Variants in KIF26B observed in about 807,000 individuals in gnomAD.
KIF26B encodes kinesin family member 26B.
A neutral mutation model predicts 151.2 loss-of-function variants in KIF26B; 63 were observed. That is an observed-to-expected ratio of 0.42 (90% CI 0.34 to 0.51). The LOEUF (loss-of-function observed/expected upper bound fraction) is 0.51, where lower values mean the gene tolerates loss of function less well. KIF26B is among the 20% of genes least tolerant of loss of function. The pLI, the probability that KIF26B is intolerant of heterozygous loss-of-function variation, is 0.07. For missense variants in KIF26B, 2,813 were observed against 2,913.6 expected (o/e 0.97, Z 0.79); for synonymous variants, 1,357 against 1,262.1 (o/e 1.08, Z -1.59).
rs534743742 is a variant in KIF26B at position 245,566,296 on chromosome 1, T to C, written c.1350+25346T>C. 3.3e-5 allele frequency among the ~76,000 whole-genome samples: 5 copies of C among 152,390 alleles called. No individual in the cohort carries two copies. The South Asian group carries it at 6.2e-4, about 19-fold the overall frequency. ...CAAGATGAGTTCCTCTTGGTTGTGA[T>C]GCCTCTTTTCTTTTCAGTTCACACT... On this transcript the variant is annotated intron_variant, in intron 5 of 14. Transcript: ENST00000407071.
In KIF26B at chr1:245,523,013, A is replaced by C. The variant is rs540006064; in HGVS notation, c.1167-17754A>C. On this transcript the variant is annotated intron_variant, in intron 4 of 14. Coordinates refer to ENST00000407071, the MANE Select transcript of KIF26B (RefSeq NM_018012.4). ...ACTCTGCGTCAGGAACTGTTCTGAT[A>C]ATCTTATTTGAACTTTGCAACAATT... Among the ~76,000 whole-genome samples the C allele has an allele frequency of 2.2e-4, 34 of 152,312 alleles. No homozygotes were observed. The South Asian group carries it at 7.1e-3, about 32-fold the overall frequency.
intron 4 of KIF26B, among the ~76,000 whole-genome samples, chr1:245,463,473 T>C (rs1659699063): frequency 6.6e-6 from 1 of 152,018 alleles, no homozygotes; most frequent in Non-Finnish European, 1.5e-5. Flanking sequence ...TTTTTCCTGG[T>C]GGGAAAGGGC....
At chr1:245,425,965 TA>T (rs1448825320) in intron 4 of KIF26B, among the ~76,000 whole-genome samples, 1 of 152,236 alleles carries the variant, frequency 6.6e-6, no homozygotes, top group African/African-American at 2.4e-5. Context: ...TACCAAATTC[TA>T]ATCAGATTTC....
At chr1:245,278,396 A>T (rs1213811782) in intron 2 of KIF26B, among the ~76,000 whole-genome samples, 5 of 152,150 alleles carry the variant, frequency 3.3e-5, no homozygotes, top group Admixed American at 3.3e-4. Flanking sequence ...TTTATTTTAC[A>T]TCACTTGCCA....
At chr1:245,365,691 G>A (rs1469882608) in intron 2 of KIF26B, among the ~76,000 whole-genome samples, 9 of 152,172 alleles carry the variant, frequency 5.9e-5, no homozygotes, top group African/African-American at 4.8e-5. Flanking sequence ...CCCAAATGGC[G>A]TAGTAGCCCT....
At chr1:245,391,685 G>C (rs1047114031) in intron 3 of KIF26B, among the ~76,000 whole-genome samples, 2 of 150,118 alleles carry the variant, frequency 1.3e-5, no homozygotes, top group South Asian at 4.2e-4. Flanking sequence ...AGAGAGATTT[G>C]TGAAAATGTA....
intron 2 of KIF26B, among the ~76,000 whole-genome samples, chr1:245,225,417 C>A (rs1029860593): frequency 3.3e-5 from 5 of 152,240 alleles, no homozygotes; most frequent in Admixed American, 1.3e-4. Context: ...GCTGAGGCTG[C>A]AGATTCCTGC....
intron 5 of KIF26B, among the ~76,000 whole-genome samples, chr1:245,585,452 ATGTC>A (rs1347258924): frequency 3.3e-5 from 5 of 152,098 alleles, no homozygotes; most frequent in Non-Finnish European, 7.4e-5. Context: ...GGACAGAGAA[ATGTC>A]TGTCTAGTCG....
At chr1:245,561,577 G>A (rs970662099) in intron 5 of KIF26B, among the ~76,000 whole-genome samples, 4 of 152,104 alleles carry the variant, frequency 2.6e-5, no homozygotes, top group Non-Finnish European at 5.9e-5. Flanking sequence ...ATTTACATAC[G>A]TAATACATTC....
At chr1:245,246,079 G>A (rs903826783) in intron 2 of KIF26B, among the ~76,000 whole-genome samples, 3 of 145,350 alleles carry the variant, frequency 2.1e-5, no homozygotes, top group East Asian at 2.0e-4. Flanking sequence ...GCGACAGAGC[G>A]AGACTCCGTC....
rs1671833761 is a variant in KIF26B at position 245,318,971 on chromosome 1, A to G, written c.466-47863A>G. Reference sequence around the variant, plus strand: ...TTGTAAACAGGAAGAACACAGGGATATTTGCTCTTAGCTAGAATGGGGCAA... The same window carrying G: ...TTGTAAACAGGAAGAACACAGGGATGTTTGCTCTTAGCTAGAATGGGGCAA... On this transcript the variant is annotated intron_variant, in intron 2 of 14. Transcript: ENST00000407071. The surrounding 1 kb of genome is among the most constrained non-coding windows in gnomAD (Gnocchi z 4.0). Among the ~76,000 whole-genome samples, 1 of 152,202 alleles carries G rather than the reference A, an allele frequency of 6.6e-6. No homozygotes were observed. Among genetic ancestry groups the G allele is most frequent in the South Asian group, 2.1e-4 (1 of 4,836 alleles).
Position 245,708,555 on chromosome 1 carries a change from T to C in KIF26B, c.*5949T>C, listed in dbSNP as rs1399510468. 1 of 151,992 alleles carries C rather than the reference T, an allele frequency of 6.6e-6. No homozygotes were observed. The highest frequency in any genetic ancestry group is 2.4e-5 in the African/African-American group (1 of 41,364). The allele number at this position is 151,992 out of a possible 1,614,324, so 9.4% of individuals were successfully genotyped here. On this transcript the variant is annotated 3_prime_UTR_variant, in exon 15 of 15. Transcript: ENST00000407071. ...AGAAAACCTGAGTTCTAATTCCAGC[T>C]TTGCCAGTCGTCCCGTCCGTGATAT...
chr1:245,174,272 C>T (rs1012375800), intron 2 of KIF26B, among the ~76,000 whole-genome samples: 1 of 152,134 alleles, frequency 6.6e-6, no homozygotes, highest in Non-Finnish European at 1.5e-5. Flanking sequence ...TATATGGCTG[C>T]GTTCTTCAGG....
intron 3 of KIF26B, among the ~76,000 whole-genome samples, chr1:245,413,201 G>T (rs116693113): frequency 1.3e-5 from 2 of 152,222 alleles, no homozygotes; most frequent in Non-Finnish European, 2.9e-5. Flanking sequence ...ACACATACAC[G>T]TAACGAAGAT....
At chr1:245,630,315 G>C (rs1450192840) in intron 9 of KIF26B, among the ~76,000 whole-genome samples, 3 of 152,090 alleles carry the variant, frequency 2.0e-5, no homozygotes, top group African/African-American at 7.2e-5. Context: ...TACAATAGCA[G>C]AGACATGGAA....
At chr1:245,351,316 G>A (rs1355580568) in intron 2 of KIF26B, among the ~76,000 whole-genome samples, 1 of 152,178 alleles carries the variant, frequency 6.6e-6, no homozygotes, top group Non-Finnish European at 1.5e-5. Context: ...CTCCCTAGTT[G>A]CAAACTGGGA....
At chr1:245,470,024 GT>G (rs1445866739) in intron 4 of KIF26B, among the ~76,000 whole-genome samples, 1 of 152,070 alleles carries the variant, frequency 6.6e-6, no homozygotes, top group African/African-American at 2.4e-5. Context: ...GAGAAATGGG[GT>G]TTGACGTAGG....
chr1:245,301,723 G>A (rs567565369), intron 2 of KIF26B, among the ~76,000 whole-genome samples: 12 of 152,248 alleles, frequency 7.9e-5, no homozygotes, highest in African/African-American at 1.4e-4. Context: ...AATGCTTACC[G>A]CTAAGTGAAT....
intron 3 of KIF26B, among the ~76,000 whole-genome samples, chr1:245,378,594 G>A (rs1415926406): frequency 1.3e-5 from 2 of 152,162 alleles, no homozygotes; most frequent in Non-Finnish European, 2.9e-5. Context: ...ACTTTCCTAT[G>A]GGTTGAAGAA....
Sources: allele counts gnomAD v4.1 joint callset (sites outside exome capture counted in the v4.1 genomes callset), GRCh38; gene constraint gnomAD v4.1.1; non-coding constraint Gnocchi (gnomAD v3.1); transcripts MANE v1.5; gene names NCBI Gene and HGNC (gene_info 2026-07-23, HGNC 2026-07-21).